FNTB: variants seen among roughly 807,000 people sequenced by gnomAD.
The protein encoded by FNTB is protein farnesyltransferase subunit beta.
In FNTB, 27 loss-of-function variants were observed where a neutral mutation model predicts 59.4. The ratio of observed to expected loss-of-function variants is 0.45; its 90% CI spans 0.34 to 0.63. The LOEUF is 0.63. Ranked by LOEUF, FNTB falls within the 20% of genes least tolerant of loss-of-function variation. FNTB has a pLI of 0.02. For synonymous variants in FNTB, 230 were observed against 220.7 expected, an observed-to-expected ratio of 1.04 and a Z score of -0.37; for missense variants, 449 against 559.6, an observed-to-expected ratio of 0.80 and a Z score of 1.99.
chr14:65,016,841 C>G (rs1273388926), intron 4 of FNTB, among the ~76,000 whole-genome samples: 1 of 151,612 alleles, frequency 6.6e-6, no homozygotes, highest in East Asian at 1.9e-4. Context: ...GCAAGCCTGG[C>G]TGCTTCCAGC....
At chr14:65,061,124 G>C in intron 11 of FNTB, 57 bp from the exon 12 acceptor site, 3 of 1,600,954 alleles carry the variant, frequency 1.9e-6, no homozygotes, top group Non-Finnish European at 2.6e-6. Context: ...CAAAGGATGT[G>C]TTATGTTTTC....
intron 7 of FNTB, among the ~76,000 whole-genome samples, chr14:65,035,767 C>T (rs1177568658): frequency 1.1e-4 from 16 of 151,814 alleles, no homozygotes; most frequent in Admixed American, 1.1e-3. Flanking sequence ...CTCCTGGGCT[C>T]AGGCTATCCA....
chr14:64,987,088 C>G lies in FNTB; in HGVS notation c.135C>G (p.Ser45=). ...LQDDSVETVT[S]IEQAKVEEKI... is the part of the protein sequence containing the mutation. ...ACGACTCGGTGGAAACAGTCACGTC[C>G]ATAGAACAGGTGAGGTGGCAGGACT... The change falls in exon 1 of 12, where the codon TCC becomes TCG. Residue 45 remains serine, a synonymous_variant. Transcript: ENST00000246166. 6.2e-7 allele frequency: 1 copy of G among 1,614,188 alleles called. No individual in the cohort carries two copies. Among genetic ancestry groups the G allele is most frequent in the African/African-American group, 1.3e-5 (1 of 75,038 alleles).
At chr14:65,048,326 A>T (rs1326303109) in intron 9 of FNTB, among the ~76,000 whole-genome samples, 2 of 89,336 alleles carry the variant, frequency 2.2e-5, no homozygotes, top group Non-Finnish European at 5.0e-5. Context: ...CTGTGCCTTT[A>T]AAAAAAAAAA....
chr14:65,042,325 C>G (rs1470640812), intron 8 of FNTB, among the ~76,000 whole-genome samples: 1 of 151,910 alleles, frequency 6.6e-6, no homozygotes, highest in Non-Finnish European at 1.5e-5. Flanking sequence ...CAGTGAGAGC[C>G]CTGAGCTTGT....
Position 65,000,838 on chromosome 14 carries a change from A to AAAAAAAAAAAAAAAG in FNTB, c.145-3408_145-3407insAAAAAAAAAAAGAAA, listed in dbSNP as rs778200008. ...CTCAAAAAAAAAAAAAAAAAAAAAA[A>AAAAAAAAAAAAAAAG]AAAGAATAGTTACCCAAAAAGCTGG... is the stretch of plus-strand genomic sequence containing the variant. On this transcript the variant is annotated intron_variant, in intron 1 of 11. Transcript: ENST00000246166. Among the ~76,000 whole-genome samples the AAAAAAAAAAAAAAAG allele has an allele frequency of 2.1e-4, 24 of 116,072 alleles. 1 individual carries two copies. Among genetic ancestry groups the AAAAAAAAAAAAAAAG allele is most frequent in the Non-Finnish European group, 3.6e-4 (18 of 49,722 alleles). 76.1% of individuals were successfully genotyped at this position (116,072 alleles called of 152,430 possible).
At chr14:65,005,501 CTTTCTTTCTT>C (rs879673570) in intron 2 of FNTB, among the ~76,000 whole-genome samples, 6,144 of 133,384 alleles carry the variant, frequency 0.046, 231 homozygotes, top group East Asian at 0.12. Context: ...TTCTTTCTTT[CTTTCTTTCTT>C]TCTCTCTCTC....
At chr14:65,015,845 T>C in intron 4 of FNTB, 129 bp downstream of exon 4, 1 of 1,049,192 alleles carries the variant, frequency 9.5e-7, no homozygotes, top group Non-Finnish European at 1.4e-6. Flanking sequence ...TTTGCTCTTC[T>C]CATGACCTCC....
At chr14:65,052,639 T>C (rs2062641436) in intron 9 of FNTB, among the ~76,000 whole-genome samples, 1 of 152,190 alleles carries the variant, frequency 6.6e-6, no homozygotes, top group Non-Finnish European at 1.5e-5. Context: ...ATTACCAGAA[T>C]ACCCAGTTTT....
rs1348069807 is a variant in FNTB, at chr14:65,001,277, C to T, written c.145-2972C>T. The stretch of plus-strand genomic sequence containing the variant: ...TGGAAAGATTATAGTACTGTATTTT[C>T]ACTCTACCTTTTCTGTGTTTAGATA... On this transcript the variant is annotated intron_variant, in intron 1 of 11. Transcript: ENST00000246166. The surrounding 1 kb of genome is among the most constrained non-coding windows in gnomAD (Gnocchi z 5.5). 1.3e-5 allele frequency among the ~76,000 whole-genome samples: 2 copies of T among 152,186 alleles called. No individual in the cohort carries two copies. Among genetic ancestry groups the T allele is most frequent in the Non-Finnish European group, 2.9e-5 (2 of 68,036 alleles).
At chr14:65,019,150 G>T (rs2061839193) in intron 4 of FNTB, among the ~76,000 whole-genome samples, 1 of 152,046 alleles carries the variant, frequency 6.6e-6, no homozygotes, top group Non-Finnish European at 1.5e-5. Context: ...TCCAGCCTGG[G>T]CAACAAGAGT....
chr14:65,009,616 C>A lies in FNTB; in HGVS notation c.210-2701C>A, dbSNP rs1394137197. Among the ~76,000 whole-genome samples the A allele has an allele frequency of 1.3e-5, 2 of 152,174 alleles. No individual in the cohort carries two copies. The highest frequency in any genetic ancestry group is 4.8e-5 in the African/African-American group (2 of 41,416). Reference sequence around the variant, plus strand: ...CCTACTATACCCTCATCCCAGCCCTCCTCCATCCTCTTTACAGACCTTCCC... The same window carrying A: ...CCTACTATACCCTCATCCCAGCCCTACTCCATCCTCTTTACAGACCTTCCC... On this transcript the variant is annotated intron_variant, in intron 2 of 11. Transcript: ENST00000246166. This position sits in a 1 kb window ranked among gnomAD's most constrained non-coding sequence, Gnocchi z 4.2.
intron 4 of FNTB, among the ~76,000 whole-genome samples, chr14:65,018,703 G>A (rs1364976200): frequency 2.6e-5 from 4 of 151,382 alleles, no homozygotes; most frequent in Admixed American, 1.3e-4. Context: ...CCAGCTACTC[G>A]GGAGACTAAG....
At chr14:65,045,243 G>A (rs565446204) in intron 9 of FNTB, among the ~76,000 whole-genome samples, 1 of 152,268 alleles carries the variant, frequency 6.6e-6, no homozygotes, top group East Asian at 1.9e-4. Flanking sequence ...GGAAGTCATG[G>A]GGCCCTGCTG....
Position 65,061,609 on chromosome 14 carries a change from G to T in FNTB, c.*297G>T. 3.3e-6 allele frequency: 1 copy of T among 307,598 alleles called. No individual in the cohort carries two copies. The highest frequency in any genetic ancestry group is 6.1e-5 in the East Asian group (1 of 16,340). The allele number at this position is 307,598 out of a possible 1,614,324, so 19.1% of individuals were successfully genotyped here. ...CCCTCCTCACCAGCTCTCCAGCCAG[G>T]ACGATCACACAGAGATGAATGGCAT... On this transcript the variant is annotated 3_prime_UTR_variant, in exon 12 of 12. Coordinates refer to ENST00000246166, the MANE Select transcript of FNTB (RefSeq NM_002028.4).
intron 7 of FNTB, among the ~76,000 whole-genome samples, chr14:65,037,308 T>A (rs1484042997): frequency 6.7e-6 from 1 of 150,332 alleles, no homozygotes; most frequent in African/African-American, 2.4e-5. Flanking sequence ...TTTACCATGT[T>A]GGCCAGGCTG....
At chr14:65,015,534 G>T in intron 3 of FNTB, 91 bp from the exon 4 acceptor site, 1 of 1,377,272 alleles carries the variant, frequency 7.3e-7, no homozygotes. Context: ...CCCCTTGCCA[G>T]GCTGCTGGGA....
Position 65,061,552 on chromosome 14 carries a change from T to C in FNTB, c.*240T>C, listed in dbSNP as rs2062865781. Reference sequence around the variant, plus strand: ...AAATCTATCAGCCCACGTGGTGTGGTTGGTGAACAGTGCATGCCAGGAGGA... The same window carrying C: ...AAATCTATCAGCCCACGTGGTGTGGCTGGTGAACAGTGCATGCCAGGAGGA... On this transcript the variant is annotated 3_prime_UTR_variant, in exon 12 of 12. Transcript: ENST00000246166. 1 of 539,312 alleles carries C rather than the reference T, an allele frequency of 1.9e-6. No homozygotes were observed. The highest frequency in any genetic ancestry group is 3.3e-5 in the Admixed American group (1 of 30,188). 33.4% of individuals were successfully genotyped at this position (539,312 alleles called of 1,614,324 possible).
At chr14:65,020,743 T>C (rs2061870870) in intron 4 of FNTB, among the ~76,000 whole-genome samples, 1 of 148,550 alleles carries the variant, frequency 6.7e-6, no homozygotes, top group African/African-American at 2.5e-5. Context: ...CTTTTTTTTT[T>C]TTTTTTGAGA....
Sources: allele counts gnomAD v4.1 joint callset (sites outside exome capture counted in the v4.1 genomes callset), GRCh38; gene constraint gnomAD v4.1.1; non-coding constraint Gnocchi (gnomAD v3.1); transcripts MANE v1.5; gene names NCBI Gene and HGNC (gene_info 2026-07-23, HGNC 2026-07-21).